The following ARHGAP15 variants were observed in gnomAD, a reference collection of about 807,000 sequenced individuals.
ARHGAP15 encodes Rho GTPase activating protein 15, also known as rho GTPase-activating protein 15.
Under a neutral mutation model 63.7 loss-of-function variants are expected in ARHGAP15, and 51 were observed. The ratio of observed to expected loss-of-function variants is 0.80; its 90% confidence interval spans 0.64 to 1.01. The LOEUF is 1.01. Ranked by LOEUF, ARHGAP15 falls within the 50% of genes least tolerant of loss-of-function variation. ARHGAP15 has a pLI of 0.00. For missense variants in ARHGAP15, 560 were observed against 564.6 expected (o/e 0.99, Z 0.08); for synonymous variants, 191 against 193.8 (o/e 0.99, Z 0.12).
chr2:143,396,417 C>T (rs1201519243), intron 6 of ARHGAP15, among the ~76,000 whole-genome samples: 1 of 151,976 alleles, frequency 6.6e-6, no homozygotes, highest in Non-Finnish European at 1.5e-5. Flanking sequence ...GCCAGCTTAA[C>T]TCAGGAATAC....
At chr2:143,764,086 G>C (rs1371425941) in intron 13 of ARHGAP15, among the ~76,000 whole-genome samples, 1 of 152,004 alleles carries the variant, frequency 6.6e-6, no homozygotes, top group African/African-American at 2.4e-5. Flanking sequence ...TTTAAAACGT[G>C]CATAAGTTTT....
intron 6 of ARHGAP15, among the ~76,000 whole-genome samples, chr2:143,294,439 C>G (rs189248901): frequency 8.5e-5 from 13 of 152,130 alleles, no homozygotes; most frequent in Admixed American, 7.2e-4. Context: ...TTATTTTGCA[C>G]TCATGTGAAG....
intron 12 of ARHGAP15, among the ~76,000 whole-genome samples, chr2:143,637,964 C>T (rs1455728536): frequency 6.6e-6 from 1 of 151,720 alleles, no homozygotes; most frequent in Non-Finnish European, 1.5e-5. Flanking sequence ...CCATCTCACA[C>T]CAGTTAGAAT....
At chr2:143,421,581 G>A (rs1368828486) in intron 6 of ARHGAP15, among the ~76,000 whole-genome samples, 35 of 151,860 alleles carry the variant, frequency 2.3e-4, no homozygotes, top group Admixed American at 6.6e-5. Flanking sequence ...TGATCCTTTA[G>A]TGGGTCACAG....
chr2:143,708,100 T>A (rs925080013), intron 13 of ARHGAP15, among the ~76,000 whole-genome samples: 2 of 152,168 alleles, frequency 1.3e-5, no homozygotes, highest in Admixed American at 1.3e-4. Context: ...GCTCTGCCAC[T>A]TACTGGATGT....
intron 10 of ARHGAP15, among the ~76,000 whole-genome samples, chr2:143,534,041 T>C (rs1033964195): frequency 6.6e-6 from 1 of 152,146 alleles, no homozygotes; most frequent in Non-Finnish European, 1.5e-5. Flanking sequence ...GAGTTAGGCT[T>C]TGTATCCCCA....
chr2:143,167,574 C>T (rs770826830), intron 2 of ARHGAP15, among the ~76,000 whole-genome samples: 1 of 152,056 alleles, frequency 6.6e-6, no homozygotes, highest in African/African-American at 2.4e-5. Flanking sequence ...ACTCTGAGCC[C>T]CCTATCTCCC....
At chr2:143,740,605 C>T (rs767429530) in intron 13 of ARHGAP15, among the ~76,000 whole-genome samples, 4 of 152,148 alleles carry the variant, frequency 2.6e-5, no homozygotes, top group Admixed American at 6.5e-5. Flanking sequence ...ACAGCGTCAG[C>T]GGTGGTGCTA....
At chr2:143,278,046 A>G (rs1681650925) in intron 6 of ARHGAP15, among the ~76,000 whole-genome samples, 1 of 152,164 alleles carries the variant, frequency 6.6e-6, no homozygotes, top group East Asian at 1.9e-4. Context: ...CCATATTTAT[A>G]TACTAAACAA....
intron 6 of ARHGAP15, among the ~76,000 whole-genome samples, chr2:143,414,147 T>C (rs1162654617): frequency 6.6e-6 from 1 of 151,122 alleles, no homozygotes; most frequent in African/African-American, 2.4e-5. Flanking sequence ...TAATTAAATA[T>C]TTAAAAGGTA....
At chr2:143,670,364 C>A (rs1326206650) in intron 12 of ARHGAP15, among the ~76,000 whole-genome samples, 1 of 152,068 alleles carries the variant, frequency 6.6e-6, no homozygotes, top group Non-Finnish European at 1.5e-5. Context: ...TGAGCCAGGC[C>A]AGATGACAAA....
rs796211876 is a variant in ARHGAP15 at position 143,198,625 on chromosome 2, A to G, written c.166-3509A>G. On this transcript the variant is annotated intron_variant, in intron 2 of 13. Transcript: ENST00000295095. The stretch of plus-strand genomic sequence containing the variant: ...TTATGCTCCTAATAATATGTACACC[A>G]CACATTTCCAAACACTGCTTTAAAT... Among the ~76,000 whole-genome samples, 16 of 152,230 alleles carry G rather than the reference A, an allele frequency of 1.1e-4. 2 individuals carry two copies. Among genetic ancestry groups the G allele is most frequent in the African/African-American group, 3.6e-4 (15 of 41,554 alleles).
intron 9 of ARHGAP15, among the ~76,000 whole-genome samples, chr2:143,493,273 C>T (rs545237272): frequency 6.6e-6 from 1 of 152,160 alleles, no homozygotes; most frequent in Admixed American, 6.5e-5. Context: ...TGCTGTTTCA[C>T]GTTACCTCCA....
chr2:143,429,507 C>T (rs527508072), intron 6 of ARHGAP15, among the ~76,000 whole-genome samples: 1 of 152,192 alleles, frequency 6.6e-6, no homozygotes, highest in South Asian at 2.1e-4. Flanking sequence ...ACATTGTTTA[C>T]TTTCCATTAA....
intron 6 of ARHGAP15, among the ~76,000 whole-genome samples, chr2:143,283,262 T>G (rs1039390944): frequency 1.3e-5 from 2 of 152,170 alleles, no homozygotes; most frequent in Admixed American, 1.3e-4. Context: ...CTTTCCTCAA[T>G]GTACACACTA....
chr2:143,625,596 C>T (rs1189043838), intron 12 of ARHGAP15, among the ~76,000 whole-genome samples: 1 of 152,160 alleles, frequency 6.6e-6, no homozygotes, highest in Non-Finnish European at 1.5e-5. Context: ...TTCTTCAGAA[C>T]AGCAATGTTT....
At chr2:143,677,818 A>G (rs1294229997) in intron 12 of ARHGAP15, among the ~76,000 whole-genome samples, 9 of 152,214 alleles carry the variant, frequency 5.9e-5, no homozygotes, top group African/African-American at 1.9e-4. Context: ...GCAAAATTCT[A>G]CCAGTCTGAT....
intron 1 of ARHGAP15, among the ~76,000 whole-genome samples, chr2:143,140,031 G>A (rs547800091): frequency 2.0e-5 from 3 of 152,216 alleles, no homozygotes; most frequent in Admixed American, 6.5e-5. Context: ...AAGGTTAAAC[G>A]CGGTGGTAAG....
At position 143,509,213 on chromosome 2, in the gene ARHGAP15, T is replaced by C. The variant is rs548799619; in HGVS notation, c.827-10053T>C. ...GTTTGATGAGATGCAAAAATATAAA[T>C]AAACATGTGGGGGAAAACTATTCAC... On this transcript the variant is annotated intron_variant, in intron 9 of 13. Transcript: ENST00000295095. Among the ~76,000 whole-genome samples the C allele has an allele frequency of 1.2e-4, 18 of 151,984 alleles. No individual in the cohort carries two copies. The South Asian group carries it at 3.7e-3, about 32-fold the overall frequency.
Sources: gnomAD v4.1 joint callset for allele counts (sites outside exome capture counted in the v4.1 genomes callset) on GRCh38, gnomAD v4.1.1 for gene constraint, MANE v1.5 for transcripts, NCBI Gene and HGNC (gene_info 2026-07-23, HGNC 2026-07-21) for gene names.